PDPN: variants seen among roughly 807,000 people sequenced by gnomAD.
PDPN encodes PA2.26 antigen.
In PDPN, 12 loss-of-function variants were observed where a neutral mutation model predicts 23.2. The observed-to-expected ratio is 0.52, with a 90% CI of 0.33 to 0.84. The LOEUF (loss-of-function observed/expected upper bound fraction) is 0.84, where lower values mean the gene tolerates loss of function less well. Ranked by LOEUF, PDPN falls within the 40% of genes least tolerant of loss-of-function variation. The pLI is 0.02. For missense variants in PDPN, 199 were observed against 212.2 expected (o/e 0.94, Z 0.39); for synonymous variants, 77 against 76.7 (o/e 1.00, Z -0.02).
At position 13,607,265 on chromosome 1, in the gene PDPN, G is replaced by A. The variant is rs1193083899; in HGVS notation, c.160G>A (p.Gly54Arg). The part of the protein sequence containing the change: ...PGAEDDVVTP[G>R]TSEDRYKSGL... ...TGCCGAAGATGATGTGGTGACTCCA[G>A]GAACCAGCGAAGACCGCTATAAGTC... The change falls in exon 2 of 6, where the codon GGA (glycine) becomes AGA (arginine). Residue 54 changes from glycine (G) to arginine (R), a missense_variant. Physicochemically the swap from Gly to Arg is moderately radical, Grantham distance 125. Coordinates refer to ENST00000621990, the MANE Select transcript of PDPN (RefSeq NM_006474.5). 1.2e-6 allele frequency: 2 copies of A among 1,614,162 alleles called. No homozygotes were observed. The highest frequency in any genetic ancestry group is 1.1e-5 in the South Asian group (1 of 91,080).
At chr1:13,585,646 C>T in intron 1 of PDPN, 6 of 1,351,706 alleles carry the variant, frequency 4.4e-6, no homozygotes, top group Non-Finnish European at 5.9e-6. Flanking sequence ...AAAGGTACTC[C>T]TAAAAGATGG....
intron 2 of PDPN, among the ~76,000 whole-genome samples, chr1:13,609,880 C>T (rs758325452): frequency 5.9e-5 from 9 of 152,098 alleles, no homozygotes; most frequent in Admixed American, 1.3e-4. Flanking sequence ...GCCTGACCAA[C>T]ATGGAGAAAC....
chr1:13,607,192 A>G lies in PDPN; in HGVS notation c.87A>G (p.Glu29=), dbSNP rs563565074. The G allele has an allele frequency of 6.2e-7, 1 of 1,614,072 alleles. No individual in the cohort carries two copies. Among genetic ancestry groups the G allele is most frequent in the Admixed American group, 1.7e-5 (1 of 60,012 alleles). The change falls in exon 2 of 6, where the codon GAA becomes GAG. Residue 29 remains glutamate (E), a synonymous_variant. Transcript: ENST00000621990. ...LAEGASTGQP[E]DDTETTGLEG... is the part of the protein sequence containing the mutation. ...CTTCAGCCAGCACAGGCCAGCCAGA[A>G]GATGACACTGAGACTACAGGTTTGG...
chr1:13,607,561 T>C (rs2483133), intron 2 of PDPN, among the ~76,000 whole-genome samples: 40,243 of 152,064 alleles, frequency 0.26, 6,628 homozygotes, highest in South Asian at 0.42. Flanking sequence ...ACCTGCTGCA[T>C]GTCATTTTCC....
chr1:13,615,353 T>C (rs893629522), intron 5 of PDPN, among the ~76,000 whole-genome samples: 2 of 151,452 alleles, frequency 1.3e-5, no homozygotes, highest in Non-Finnish European at 2.9e-5. Context: ...TAGTGCGATC[T>C]CGGCTCACTG....
intron 1 of PDPN, among the ~76,000 whole-genome samples, chr1:13,601,918 G>A (rs1640650079): frequency 6.6e-6 from 1 of 152,222 alleles, no homozygotes. Context: ...TAAGAAGTTT[G>A]ACTACTGATA....
intron 2 of PDPN, among the ~76,000 whole-genome samples, chr1:13,609,443 T>A (rs1037625325): frequency 2.6e-5 from 4 of 152,118 alleles, no homozygotes; most frequent in Non-Finnish European, 4.4e-5. Flanking sequence ...TTATTGTGGT[T>A]AAAAAAATAA....
At chr1:13,588,644 ATAT>A (rs1557535128) in intron 1 of PDPN, among the ~76,000 whole-genome samples, 2 of 147,398 alleles carry the variant, frequency 1.4e-5, no homozygotes, top group African/African-American at 4.9e-5. Flanking sequence ...ATATAACTAT[ATAT>A]TATATATTTA....
intron 2 of PDPN, among the ~76,000 whole-genome samples, chr1:13,609,937 G>A (rs1027647575): frequency 2.6e-5 from 4 of 152,060 alleles, no homozygotes; most frequent in African/African-American, 9.7e-5. Flanking sequence ...GGTGGCGGGC[G>A]CCTGTAATCC....
At chr1:13,611,626 A>G (rs1309994289) in intron 3 of PDPN, among the ~76,000 whole-genome samples, 1 of 152,194 alleles carries the variant, frequency 6.6e-6, no homozygotes, top group Non-Finnish European at 1.5e-5. Flanking sequence ...GTTTTGCAAG[A>G]TGAAAGGGGT....
intron 1 of PDPN, among the ~76,000 whole-genome samples, chr1:13,604,729 G>A (rs1248258536): frequency 6.6e-6 from 1 of 152,174 alleles, no homozygotes; most frequent in Non-Finnish European, 1.5e-5. Flanking sequence ...CAAACCAGGT[G>A]AGGAAGAAAT....
At chr1:13,594,912 G>A (rs570142337) in intron 1 of PDPN, among the ~76,000 whole-genome samples, 55 of 151,390 alleles carry the variant, frequency 3.6e-4, no homozygotes, top group African/African-American at 1.1e-3. Flanking sequence ...GGAGAATGGC[G>A]TGAACCTGGG....
intron 1 of PDPN, among the ~76,000 whole-genome samples, chr1:13,589,542 C>T (rs1336919836): frequency 2.0e-5 from 3 of 152,100 alleles, no homozygotes; most frequent in African/African-American, 7.2e-5. Flanking sequence ...TTCTTTCAGT[C>T]CTCACAACAG....
chr1:13,609,980 C>T (rs983312061), intron 2 of PDPN, among the ~76,000 whole-genome samples: 10 of 152,158 alleles, frequency 6.6e-5, no homozygotes, highest in Non-Finnish European at 1.5e-4. Flanking sequence ...AGGAGAATTG[C>T]ATGAACCTGG....
rs1486252394 is a variant in PDPN at position 13,614,425 on chromosome 1, T to G, written c.482+14T>G. On this transcript the variant is annotated intron_variant, in intron 5 of 5. Coordinates refer to ENST00000621990, the MANE Select transcript of PDPN (RefSeq NM_006474.5). ...GGGAAGGTACTCGTAAGTAAATAGC[T>G]TACACCCATGTGATAGGCAAATGAA... 1 of 1,269,982 alleles carries G rather than the reference T, an allele frequency of 7.9e-7. No homozygotes were observed. Among genetic ancestry groups the G allele is most frequent in the Non-Finnish European group, 1.2e-6 (1 of 868,800 alleles). The allele number at this position is 1,269,982 out of a possible 1,614,324, so 78.7% of individuals were successfully genotyped here. A position where few individuals can be genotyped will look rare whatever the true frequency, so the allele number is the denominator to read the frequency against.
chr1:13,604,610 T>C (rs1640736169), intron 1 of PDPN, among the ~76,000 whole-genome samples: 1 of 152,212 alleles, frequency 6.6e-6, no homozygotes, highest in African/African-American at 2.4e-5. Flanking sequence ...ACTTGATTTT[T>C]TTTTTTTAAA....
chr1:13,607,043 C>CA, intron 1 of PDPN, 130 bp from the exon 2 acceptor site: 1 of 1,023,396 alleles, frequency 9.8e-7, no homozygotes, highest in South Asian at 1.6e-5. Flanking sequence ...CAGTAAGCCA[C>CA]AAAAAGGACC....
chr1:13,598,965 G>A (rs1640566555), intron 1 of PDPN, among the ~76,000 whole-genome samples: 1 of 151,710 alleles, frequency 6.6e-6, no homozygotes, highest in East Asian at 1.9e-4. Context: ...TGGAAGAGGG[G>A]AGGGGTACTC....
rs1641065280 is a variant in PDPN, at chr1:13,616,043, GA to G, written c.*133del. 23 of 830,276 alleles carry G rather than the reference GA, an allele frequency of 2.8e-5. No homozygotes were observed. In the South Asian group the frequency reaches 3.2e-4, roughly 12 times the overall value. The allele number at this position is 830,276 out of a possible 1,614,324, so 51.4% of individuals were successfully genotyped here. On this transcript the variant is annotated 3_prime_UTR_variant, in exon 6 of 6. Coordinates refer to ENST00000621990, the MANE Select transcript of PDPN (RefSeq NM_006474.5). ...GCCTGGCCCACTCAGAATCCACGGTGACCTCTCCGCTTGCCAAAATAACCGA... is the reference window on the plus strand; with the variant it reads ...GCCTGGCCCACTCAGAATCCACGGTGCCTCTCCGCTTGCCAAAATAACCGA...
Sources: allele counts gnomAD v4.1 joint callset (sites outside exome capture counted in the v4.1 genomes callset), GRCh38; gene constraint gnomAD v4.1.1; transcripts MANE v1.5; gene names NCBI Gene and HGNC (gene_info 2026-07-23, HGNC 2026-07-21).